The following DOK6 variants were observed in gnomAD, a reference collection of about 807,000 sequenced individuals.
DOK6 encodes the protein downstream of tyrosine kinase 6.
A neutral mutation model predicts 44.0 loss-of-function variants in DOK6; 22 were observed. That is an observed-to-expected ratio of 0.50 (90% CI 0.36 to 0.71). The LOEUF (loss-of-function observed/expected upper bound fraction) is 0.71, where lower values mean the gene tolerates loss of function less well. Ranked by LOEUF, DOK6 falls within the 30% of genes least tolerant of loss-of-function variation. The pLI is 0.00. For missense variants in DOK6, 340 were observed against 416.4 expected (o/e 0.82, Z 1.60); for synonymous variants, 166 against 145.5 (o/e 1.14, Z -1.01).
At chr18:69,541,648 A>T (rs1483497765) in intron 1 of DOK6, among the ~76,000 whole-genome samples, 1 of 151,528 alleles carries the variant, frequency 6.6e-6, no homozygotes, top group African/African-American at 2.4e-5. Context: ...GCTGTTTGAC[A>T]TACAAAGTTT....
chr18:69,605,835 T>G (rs1983981936), intron 3 of DOK6, among the ~76,000 whole-genome samples: 1 of 152,144 alleles, frequency 6.6e-6, no homozygotes, highest in South Asian at 2.1e-4. Context: ...ACGGAAAGCT[T>G]TCCTGCTCTC....
At chr18:69,522,990 T>C (rs1340986741) in intron 1 of DOK6, among the ~76,000 whole-genome samples, 2 of 152,108 alleles carry the variant, frequency 1.3e-5, no homozygotes, top group East Asian at 3.8e-4. Context: ...GGATAGCTAT[T>C]TCCTGCCAGA....
At chr18:69,833,672 A>G (rs1981964442) in intron 7 of DOK6, among the ~76,000 whole-genome samples, 1 of 152,176 alleles carries the variant, frequency 6.6e-6, no homozygotes, top group African/African-American at 2.4e-5. Context: ...TTGACTAGGT[A>G]TTAATAACCA....
chr18:69,749,924 C>T (rs572092241), intron 6 of DOK6, among the ~76,000 whole-genome samples: 2 of 142,100 alleles, frequency 1.4e-5, no homozygotes, highest in Admixed American at 7.0e-5. Context: ...TGCCTGGCGA[C>T]AGAGCGAGAC....
chr18:69,778,790 T>C (rs1453952061), intron 7 of DOK6, among the ~76,000 whole-genome samples: 1 of 152,182 alleles, frequency 6.6e-6, no homozygotes, highest in Admixed American at 6.6e-5. Flanking sequence ...TGAAGGTCAA[T>C]ATCTGAAGAG....
intron 2 of DOK6, among the ~76,000 whole-genome samples, chr18:69,592,982 A>G (rs1266694132): frequency 6.6e-6 from 1 of 152,188 alleles, no homozygotes; most frequent in African/African-American, 2.4e-5. Context: ...TATAGTATTG[A>G]CAGTAAAAAA....
At chr18:69,682,517 C>T (rs901565164) in intron 4 of DOK6, among the ~76,000 whole-genome samples, 62 of 152,296 alleles carry the variant, frequency 4.1e-4, no homozygotes, top group African/African-American at 1.3e-3. Flanking sequence ...TCCCAAAGCA[C>T]ACTTCTCAAA....
intron 6 of DOK6, among the ~76,000 whole-genome samples, chr18:69,749,731 G>A (rs934134850): frequency 2.0e-5 from 3 of 152,066 alleles, no homozygotes; most frequent in African/African-American, 4.8e-5. Flanking sequence ...ATGAGGTCAA[G>A]AGATCGAGAC....
At chr18:69,565,922 T>C (rs1388989120) in intron 2 of DOK6, among the ~76,000 whole-genome samples, 3 of 152,202 alleles carry the variant, frequency 2.0e-5, no homozygotes, top group Non-Finnish European at 2.9e-5. Flanking sequence ...ATTATGACTT[T>C]GGCAATAAAG....
chr18:69,719,092 G>A (rs1986947666), intron 5 of DOK6, among the ~76,000 whole-genome samples: 1 of 152,194 alleles, frequency 6.6e-6, no homozygotes, highest in Non-Finnish European at 1.5e-5. Flanking sequence ...AATACACTGA[G>A]ACAGTGGTGT....
chr18:69,549,513 C>T (rs1250355576), intron 1 of DOK6, among the ~76,000 whole-genome samples: 1 of 151,518 alleles, frequency 6.6e-6, no homozygotes, highest in African/African-American at 2.4e-5. Context: ...GTTCATAATC[C>T]ATTACCCCAT....
chr18:69,521,228 T>C (rs1981675551), intron 1 of DOK6, among the ~76,000 whole-genome samples: 1 of 151,924 alleles, frequency 6.6e-6, no homozygotes, highest in Non-Finnish European at 1.5e-5. Context: ...GAGTTTCTTA[T>C]TTTACTGTTG....
At chr18:69,458,610 C>T (rs1259106680) in intron 1 of DOK6, among the ~76,000 whole-genome samples, 1 of 152,152 alleles carries the variant, frequency 6.6e-6, no homozygotes, top group Non-Finnish European at 1.5e-5. Flanking sequence ...TTTCTCTTCA[C>T]TATCAATATC....
At chr18:69,482,042 T>C (rs1445164777) in intron 1 of DOK6, among the ~76,000 whole-genome samples, 2 of 152,262 alleles carry the variant, frequency 1.3e-5, no homozygotes, top group South Asian at 2.1e-4. Context: ...TGTCTGTTCA[T>C]ATCCTTTGCC....
intron 2 of DOK6, among the ~76,000 whole-genome samples, chr18:69,596,419 C>G (rs1983741685): frequency 6.6e-6 from 1 of 151,982 alleles, no homozygotes; most frequent in Non-Finnish European, 1.5e-5. Context: ...AAGTGATATA[C>G]CATCAGGAAT....
intron 4 of DOK6, among the ~76,000 whole-genome samples, chr18:69,685,311 G>T (rs891548440): frequency 6.6e-6 from 1 of 152,188 alleles, no homozygotes; most frequent in East Asian, 1.9e-4. Flanking sequence ...AGTTGACAAA[G>T]TTAGTATGTC....
chr18:69,559,770 A>T, intron 1 of DOK6, among the ~76,000 whole-genome samples: 1 of 152,222 alleles, frequency 6.6e-6, no homozygotes. Context: ...TGCCAGCCCC[A>T]TTGGGTTCTG....
chr18:69,620,126 TC>T (rs941776759), intron 3 of DOK6, among the ~76,000 whole-genome samples: 12 of 152,106 alleles, frequency 7.9e-5, no homozygotes, highest in African/African-American at 2.7e-4. Context: ...ATTATATCAA[TC>T]CCTAAAATTA....
chr18:69,562,190 A>G (rs1228819993), intron 1 of DOK6, among the ~76,000 whole-genome samples: 1 of 152,244 alleles, frequency 6.6e-6, no homozygotes, highest in Non-Finnish European at 1.5e-5. Context: ...GTAGATAATG[A>G]ACAATTTACA....
Sources: allele counts gnomAD v4.1 joint callset (sites outside exome capture counted in the v4.1 genomes callset), GRCh38; gene constraint gnomAD v4.1.1; transcripts MANE v1.5; gene names NCBI Gene and HGNC (gene_info 2026-07-23, HGNC 2026-07-21).